Variants in TXNRD1 observed in about 807,000 individuals in gnomAD.
TXNRD1 encodes thioredoxin reductase 1, also known as thioredoxin reductase 1, cytoplasmic.
Under a neutral mutation model 80.3 loss-of-function variants are expected in TXNRD1, and 57 were observed. The ratio of observed to expected loss-of-function variants is 0.71; its 90% confidence interval spans 0.57 to 0.89. The LOEUF is 0.89. TXNRD1 is among the 40% of genes least tolerant of loss of function. The pLI, the probability that TXNRD1 is intolerant of heterozygous loss-of-function variation, is 0.00. For synonymous variants in TXNRD1, 291 were observed against 285.2 expected, an observed-to-expected ratio of 1.02 and a Z score of -0.20; for missense variants, 730 against 803.0, an observed-to-expected ratio of 0.91 and a Z score of 1.10.
intron 4 of TXNRD1, among the ~76,000 whole-genome samples, chr12:104,294,242 C>CCCCCCG (rs57647930): frequency 8.4e-6 from 1 of 119,044 alleles, no homozygotes; most frequent in Non-Finnish European, 1.8e-5. Flanking sequence ...GGCCCCCCCC[C>CCCCCCG]CCGCCGCCGG....
chr12:104,252,497 C>G (rs181091284), intron 2 of TXNRD1, among the ~76,000 whole-genome samples: 1 of 150,700 alleles, frequency 6.6e-6, no homozygotes, highest in Admixed American at 6.6e-5. Flanking sequence ...TAACCATTAA[C>G]GAAGGTGAGA....
intron 3 of TXNRD1, chr12:104,286,759 AAC>A: frequency 9.8e-7 from 1 of 1,023,844 alleles, no homozygotes; most frequent in Non-Finnish European, 1.2e-6. Context: ...CTTCAGTAAA[AAC>A]ACACTTATTC....
chr12:104,258,093 T>C lies in TXNRD1; in HGVS notation c.304+14T>C. 6.6e-7 allele frequency: 1 copy of C among 1,525,692 alleles called. No individual in the cohort carries two copies. 94.5% of individuals were successfully genotyped at this position (1,525,692 alleles called of 1,614,324 possible). On this transcript the variant is annotated intron_variant, in intron 3 of 16. Coordinates refer to ENST00000525566, the MANE Select transcript of TXNRD1 (RefSeq NM_001093771.3). ...TTGATCAAACAGGTAAGTTTCTGTT[T>C]AATATGTAAATCATAGCTGCTGACT...
chr12:104,318,996 G>C lies in TXNRD1; in HGVS notation c.814G>C (p.Glu272Gln), dbSNP rs773508677. Reference protein sequence around the residue: ...LNWGYRVALREKKVVYENAYG... With the variant: ...LNWGYRVALRQKKVVYENAYG... ...TTGGGGCTACCGAGTAGCTCTGCGGGAGAAAAAAGTCGTCTATGAGAATGC... is the reference window on the plus strand; with the variant it reads ...TTGGGGCTACCGAGTAGCTCTGCGGCAGAAAAAAGTCGTCTATGAGAATGC... Residue 272 changes from glutamate to glutamine, a missense_variant, in exon 8 of 17, where the codon GAG becomes CAG. Glu to Gln is a conservative substitution (Grantham distance 29). Coordinates refer to ENST00000525566, the MANE Select transcript of TXNRD1 (RefSeq NM_001093771.3). The C allele has an allele frequency of 8.7e-6, 14 of 1,613,854 alleles. No homozygotes were observed. The East Asian group carries it at 1.8e-4, about 21-fold the overall frequency.
chr12:104,225,159 G>A (rs2032444235), intron 1 of TXNRD1, among the ~76,000 whole-genome samples: 1 of 152,194 alleles, frequency 6.6e-6, no homozygotes, highest in Admixed American at 6.6e-5. Context: ...GAGTAATGTA[G>A]AACTTCTGAG....
intron 1 of TXNRD1, among the ~76,000 whole-genome samples, chr12:104,232,645 C>T (rs187609722): frequency 1.0e-3 from 154 of 152,206 alleles, no homozygotes; most frequent in Non-Finnish European, 1.7e-3. Flanking sequence ...GCCAGTGCTC[C>T]CCAAGGGCTT....
chr12:104,294,092 G>A (rs1210994446), intron 4 of TXNRD1, among the ~76,000 whole-genome samples: 4 of 152,258 alleles, frequency 2.6e-5, no homozygotes, highest in East Asian at 3.9e-4. Flanking sequence ...ACATGAAGGC[G>A]GACTAGGAGT....
intron 1 of TXNRD1, among the ~76,000 whole-genome samples, chr12:104,225,534 C>T (rs2032454311): frequency 6.6e-6 from 1 of 152,062 alleles, no homozygotes; most frequent in African/African-American, 2.4e-5. Flanking sequence ...GTGGTTTCTG[C>T]CATGCCTGTT....
chr12:104,295,655 C>T (rs1219542856), intron 4 of TXNRD1, among the ~76,000 whole-genome samples: 1 of 152,196 alleles, frequency 6.6e-6, no homozygotes, highest in African/African-American at 2.4e-5. Flanking sequence ...CAACACCTGT[C>T]TTCTCTTCCT....
At chr12:104,259,969 T>C (rs953183694) in intron 3 of TXNRD1, among the ~76,000 whole-genome samples, 2 of 152,226 alleles carry the variant, frequency 1.3e-5, no homozygotes, top group Non-Finnish European at 2.9e-5. Context: ...TATCCTCACA[T>C]GAACTCAGCA....
chr12:104,315,818 AAAC>A lies in TXNRD1; in HGVS notation c.653_655del (p.Lys218_Leu219delinsMet). ...TGTGAATGTGGGTTGCATACCTAAA[AAAC>A]TGATGCATCAAGCAGCTTTGTTAGG... is the stretch of plus-strand genomic sequence containing the variant. On this transcript the variant is annotated inframe_deletion, in exon 7 of 17. Coordinates refer to ENST00000525566, the MANE Select transcript of TXNRD1 (RefSeq NM_001093771.3). 2 of 1,612,666 alleles carry A rather than the reference AAAC, an allele frequency of 1.2e-6. No individual in the cohort carries two copies. Among genetic ancestry groups the A allele is most frequent in the Non-Finnish European group, 1.7e-6 (2 of 1,178,970 alleles).
intron 4 of TXNRD1, 104 bp downstream of exon 4, chr12:104,289,144 G>C (rs543353138): frequency 1.4e-6 from 2 of 1,381,450 alleles, no homozygotes; most frequent in Non-Finnish European, 2.0e-6. Context: ...CCCTCCAAAC[G>C]GGACGCAGCG....
intron 3 of TXNRD1, among the ~76,000 whole-genome samples, chr12:104,274,045 C>A (rs2033707431): frequency 6.6e-6 from 1 of 151,936 alleles, no homozygotes. Flanking sequence ...GAGCGAGACT[C>A]CATCTCAAAA....
At chr12:104,216,854 GC>G (rs1203689958) in intron 1 of TXNRD1, among the ~76,000 whole-genome samples, 1 of 152,182 alleles carries the variant, frequency 6.6e-6, no homozygotes, top group African/African-American at 2.4e-5. Context: ...TGTAGGATCT[GC>G]CTCTTTCAAA....
At chr12:104,325,494 T>C (rs2035726798) in intron 11 of TXNRD1, 65 bp downstream of exon 11, 2 of 1,188,546 alleles carry the variant, frequency 1.7e-6, no homozygotes, top group South Asian at 1.3e-5. Flanking sequence ...GGGTATCTTA[T>C]AGGAACTTAA....
At chr12:104,274,868 T>C (rs910100424) in intron 3 of TXNRD1, among the ~76,000 whole-genome samples, 1 of 152,092 alleles carries the variant, frequency 6.6e-6, no homozygotes, top group Admixed American at 6.6e-5. Flanking sequence ...GAGAGTTGAC[T>C]GGAATGGAGC....
intron 3 of TXNRD1, among the ~76,000 whole-genome samples, chr12:104,276,315 A>G (rs2033757029): frequency 6.6e-6 from 1 of 152,196 alleles, no homozygotes; most frequent in Admixed American, 6.5e-5. Flanking sequence ...GTGACATGTA[A>G]GTATAGAGAG....
intron 3 of TXNRD1, among the ~76,000 whole-genome samples, chr12:104,278,391 G>A (rs2033803928): frequency 1.3e-5 from 2 of 149,780 alleles, no homozygotes; most frequent in African/African-American, 2.5e-5. Flanking sequence ...TAGTAGAGAC[G>A]GGTTTCACCA....
rs1223008749 is a variant in TXNRD1, at chr12:104,252,723, G to A, written c.243+1045G>A. On this transcript the variant is annotated intron_variant, in intron 2 of 16. Coordinates refer to ENST00000525566, the MANE Select transcript of TXNRD1 (RefSeq NM_001093771.3). ...TTTTTTTTTTTTTTTTTTTTTTTGA[G>A]ACGGAGTCTCGCTCTGTTGCCAAGG... Among the ~76,000 whole-genome samples the A allele has an allele frequency of 5.2e-3, 290 of 55,564 alleles. 1 individual carries two copies. The highest frequency in any genetic ancestry group is 0.021 in the African/African-American group (278 of 13,342). The allele number at this position is 55,564 out of a possible 152,430, so 36.5% of individuals were successfully genotyped here.
Sources: gnomAD v4.1 joint callset for allele counts (sites outside exome capture counted in the v4.1 genomes callset) on GRCh38, gnomAD v4.1.1 for gene constraint, MANE v1.5 for transcripts, NCBI Gene and HGNC (gene_info 2026-07-23, HGNC 2026-07-21) for gene names.